Variants in WDFY4 observed in about 807,000 individuals in gnomAD.
The protein encoded by WDFY4 is WD repeat- and FYVE domain-containing protein 4.
In WDFY4, 169 loss-of-function variants were observed where a neutral mutation model predicts 351.9. The observed-to-expected ratio is 0.48, with a 90% confidence interval of 0.42 to 0.55. The LOEUF (loss-of-function observed/expected upper bound fraction) is 0.55, where lower values mean the gene tolerates loss of function less well. Among genes scored for constraint, WDFY4 ranks in the 20% least tolerant of loss-of-function variants. The pLI is 0.00. For synonymous variants in WDFY4, 1,622 were observed against 1,574.6 expected (o/e 1.03, Z -0.71); for missense variants, 3,803 against 3,935.6 (o/e 0.97, Z 0.90).
chr10:48,739,029 A>G (rs1404044756), intron 11 of WDFY4, among the ~76,000 whole-genome samples: 2 of 152,248 alleles, frequency 1.3e-5, no homozygotes, highest in Non-Finnish European at 2.9e-5. Flanking sequence ...AGAATAATGT[A>G]AGCAAATGAA....
intron 47 of WDFY4, among the ~76,000 whole-genome samples, chr10:48,922,644 G>C (rs1247540748): frequency 6.6e-6 from 1 of 152,164 alleles, no homozygotes; most frequent in Non-Finnish European, 1.5e-5. Context: ...GTGGTTTCAG[G>C]TATTCAATGG....
intron 43 of WDFY4, chr10:48,878,094 C>A: frequency 6.6e-6 from 1 of 152,412 alleles, no homozygotes; most frequent in Non-Finnish European, 1.5e-5. Flanking sequence ...GGGACTACTT[C>A]AGAGCTGGGC....
At chr10:48,930,766 A>T (rs1839947154) in intron 47 of WDFY4, among the ~76,000 whole-genome samples, 1 of 152,180 alleles carries the variant, frequency 6.6e-6, no homozygotes, top group Non-Finnish European at 1.5e-5. Context: ...ATAGAATGAA[A>T]TAAATAATAA....
intron 35 of WDFY4, among the ~76,000 whole-genome samples, chr10:48,825,717 CT>C (rs148611141): frequency 0.2 from 29,555 of 151,518 alleles, 3,882 homozygotes; most frequent in African/African-American, 0.37. Flanking sequence ...TGATATGGCA[CT>C]TTTTTTTTCA....
intron 19 of WDFY4, among the ~76,000 whole-genome samples, chr10:48,784,889 C>T (rs2066352468): frequency 7.3e-6 from 1 of 137,338 alleles, no homozygotes; most frequent in Non-Finnish European, 1.5e-5. Flanking sequence ...AGTAGTCTCG[C>T]TCTGTCACCC....
At chr10:48,909,444 C>T (rs1338411153) in intron 47 of WDFY4, 4 of 151,844 alleles carry the variant, frequency 2.6e-5, no homozygotes, top group African/African-American at 9.7e-5. Flanking sequence ...TATCTTAGTC[C>T]ATTTGCATTG....
chr10:48,741,763 T>G (rs931461387), intron 11 of WDFY4, among the ~76,000 whole-genome samples: 36 of 152,138 alleles, frequency 2.4e-4, no homozygotes, highest in African/African-American at 8.0e-4. Flanking sequence ...ACACTGTGCC[T>G]TCTCAGACAA....
chr10:48,867,424 G>T, intron 40 of WDFY4, 82 bp downstream of exon 40: 1 of 915,506 alleles, frequency 1.1e-6, no homozygotes, highest in Non-Finnish European at 1.5e-6. Context: ...AGGGCCTTTG[G>T]TTTACGTTCT....
intron 35 of WDFY4, among the ~76,000 whole-genome samples, chr10:48,825,867 G>T (rs2067977538): frequency 6.6e-6 from 1 of 150,806 alleles, no homozygotes; most frequent in Non-Finnish European, 1.5e-5. Flanking sequence ...ACCTTTGTTA[G>T]ATGGATAGAT....
intron 13 of WDFY4, among the ~76,000 whole-genome samples, chr10:48,765,794 C>T (rs1318497387): frequency 6.6e-6 from 1 of 152,180 alleles, no homozygotes; most frequent in East Asian, 1.9e-4. Context: ...AGACTATTGT[C>T]ATCCTCAGTC....
intron 57 of WDFY4, 109 bp downstream of exon 57, chr10:48,970,398 C>A: frequency 1.4e-6 from 2 of 1,413,294 alleles, no homozygotes; most frequent in African/African-American, 1.4e-5. Context: ...CCGGAACACA[C>A]CCTAACTCTG....
At chr10:48,954,140 C>T (rs1031370967) in intron 51 of WDFY4, among the ~76,000 whole-genome samples, 1 of 152,126 alleles carries the variant, frequency 6.6e-6, no homozygotes, top group Non-Finnish European at 1.5e-5. Flanking sequence ...AGAAGAGGTA[C>T]CTAGGATTAT....
chr10:48,772,559 A>G (rs903454575), intron 13 of WDFY4, among the ~76,000 whole-genome samples: 1 of 21,024 alleles, frequency 4.8e-5, no homozygotes, highest in Non-Finnish European at 9.1e-5. Flanking sequence ...TTTTTTTTTT[A>G]TTATACTTTA....
At chr10:48,935,408 C>T (rs1306289781) in intron 47 of WDFY4, among the ~76,000 whole-genome samples, 2 of 152,248 alleles carry the variant, frequency 1.3e-5, no homozygotes, top group African/African-American at 4.8e-5. Flanking sequence ...GCTTTTCCTG[C>T]TGTTCACCCA....
Position 48,709,970 on chromosome 10 carries a change from A to G in WDFY4, c.234+4A>G. ...TCTTCTCCCCCTATTCCTAAAGGTTAGTGTTCTTATTTTTGAAACTGTAAG... is the reference window on the plus strand; with the variant it reads ...TCTTCTCCCCCTATTCCTAAAGGTTGGTGTTCTTATTTTTGAAACTGTAAG... On this transcript the variant is annotated splice_donor_region_variant and intron_variant, in intron 2 of 61. Coordinates refer to ENST00000325239, the MANE Select transcript of WDFY4 (RefSeq NM_001394531.1). 1 of 1,544,678 alleles carries G rather than the reference A, an allele frequency of 6.5e-7. No individual in the cohort carries two copies. Among genetic ancestry groups the G allele is most frequent in the Non-Finnish European group, 8.8e-7 (1 of 1,142,512 alleles).
At chr10:48,691,750 A>C (rs1189668941) in intron 1 of WDFY4, among the ~76,000 whole-genome samples, 1 of 152,248 alleles carries the variant, frequency 6.6e-6, no homozygotes, top group Non-Finnish European at 1.5e-5. Context: ...ACAAACTAGA[A>C]AGGGAAATGT....
rs1267435310 is a variant in WDFY4, at chr10:48,729,251, C to T, written c.972-181C>T. On this transcript the variant is annotated intron_variant, in intron 7 of 61. Coordinates refer to ENST00000325239, the MANE Select transcript of WDFY4 (RefSeq NM_001394531.1). ...TGCACTTCTTTGGATCTAAGACTGA[C>T]ATCTGCAGAGTGGTGTTTATCCAGG... Among the ~76,000 whole-genome samples, 4 of 152,258 alleles carry T rather than the reference C, an allele frequency of 2.6e-5. No homozygotes were observed. In the East Asian group the frequency reaches 7.7e-4, roughly 29 times the overall value.
chr10:48,784,610 C>T (rs775262740), intron 19 of WDFY4, among the ~76,000 whole-genome samples: 22 of 124,076 alleles, frequency 1.8e-4, no homozygotes, highest in Admixed American at 7.3e-4. Context: ...GGTGCAATCT[C>T]GGCTCACTGA....
At position 48,757,328 on chromosome 10, in the gene WDFY4, G is replaced by T. The variant is rs116229330; in HGVS notation, c.2460-3019G>T. ...ATGCTCTGTTGTAAAGTGCAAACAC[G>T]TTTTGAATTGTTATGTCTCTTTTAA... is the stretch of plus-strand genomic sequence containing the variant. On this transcript the variant is annotated intron_variant, in intron 12 of 61. Transcript: ENST00000325239. 9.3e-3 allele frequency among the ~76,000 whole-genome samples: 1,422 copies of T among 152,090 alleles called. 26 individuals are homozygous for T. The highest frequency in any genetic ancestry group is 0.033 in the African/African-American group (1,369 of 41,540).
Sources: gnomAD v4.1 joint callset for allele counts (sites outside exome capture counted in the v4.1 genomes callset) on GRCh38, gnomAD v4.1.1 for gene constraint, MANE v1.5 for transcripts, NCBI Gene and HGNC (gene_info 2026-07-23, HGNC 2026-07-21) for gene names.